The following NSD2 variants were observed in gnomAD, a reference collection of about 807,000 sequenced individuals.
The protein encoded by NSD2 is histone-lysine N-methyltransferase NSD2.
A neutral mutation model predicts 139.0 loss-of-function variants in NSD2; 12 were observed. The observed-to-expected ratio is 0.09, with a 90% CI of 0.06 to 0.14. The LOEUF (loss-of-function observed/expected upper bound fraction) is 0.14, where lower values mean the gene tolerates loss of function less well. Ranked by LOEUF, NSD2 falls within the 10% of genes least tolerant of loss-of-function variation. NSD2 has a pLI of 1.00. For missense variants in NSD2, 1,155 were observed against 1,745.0 expected, an observed-to-expected ratio of 0.66 and a Z score of 6.02; for synonymous variants, 669 against 648.7, an observed-to-expected ratio of 1.03 and a Z score of -0.48.
chr4:1,889,307 C>G (rs1205211309), intron 1 of NSD2, among the ~76,000 whole-genome samples: 1 of 152,152 alleles, frequency 6.6e-6, no homozygotes. Context: ...GATCCTCCCA[C>G]TTCAGCTTCC....
intron 18 of NSD2, among the ~76,000 whole-genome samples, chr4:1,966,823 C>G (rs1478911460): frequency 1.3e-5 from 2 of 152,004 alleles, no homozygotes; most frequent in Non-Finnish European, 2.9e-5. Flanking sequence ...TTAGGGCACT[C>G]AATACATAAA....
At chr4:1,907,930 C>T (rs935687472) in intron 3 of NSD2, among the ~76,000 whole-genome samples, 7 of 152,146 alleles carry the variant, frequency 4.6e-5, no homozygotes, top group Admixed American at 3.3e-4. Context: ...TGCATGATGG[C>T]TGGTAGCTTT....
intron 3 of NSD2, among the ~76,000 whole-genome samples, chr4:1,911,228 G>GATGT (rs1394250007): frequency 1.3e-5 from 2 of 152,158 alleles, no homozygotes; most frequent in African/African-American, 4.8e-5. Context: ...CTTCGAAGGG[G>GATGT]ATGTAGGTGG....
chr4:1,876,873 C>T (rs946294032), intron 1 of NSD2, among the ~76,000 whole-genome samples: 6 of 152,150 alleles, frequency 3.9e-5, no homozygotes, highest in Admixed American at 6.5e-5. Context: ...GGGTGGCTCA[C>T]GCCTGTAATC....
rs1272706136 is a variant in NSD2, at chr4:1,979,237, A to G, written c.*328A>G. On this transcript the variant is annotated 3_prime_UTR_variant, in exon 22 of 22. Coordinates refer to ENST00000508803, the MANE Select transcript of NSD2 (RefSeq NM_001042424.3). ...TAGGTTAAAGTTAATTGGCATATGGAATGTTTTAATCTCCTCTGAAATGTG... is the reference window on the plus strand; with the variant it reads ...TAGGTTAAAGTTAATTGGCATATGGGATGTTTTAATCTCCTCTGAAATGTG... 3.4e-6 allele frequency: 1 copy of G among 298,076 alleles called. No homozygotes were observed. Among genetic ancestry groups the G allele is most frequent in the Admixed American group, 5.1e-5 (1 of 19,658 alleles). The allele number at this position is 298,076 out of a possible 1,614,324, so 18.5% of individuals were successfully genotyped here. A position where few individuals can be genotyped will look rare whatever the true frequency, so the allele number is the denominator to read the frequency against.
chr4:1,875,396 C>G (rs1339574480), intron 1 of NSD2, among the ~76,000 whole-genome samples: 1 of 151,374 alleles, frequency 6.6e-6, no homozygotes, highest in Non-Finnish European at 1.5e-5. Context: ...ATCCTCCTAC[C>G]TCAGCCTCCT....
chr4:1,873,454 CT>C (rs1714019134), intron 1 of NSD2, among the ~76,000 whole-genome samples: 1 of 152,178 alleles, frequency 6.6e-6, no homozygotes, highest in Non-Finnish European at 1.5e-5. Flanking sequence ...GTGCGACTTG[CT>C]TTGTTTCTAT....
intron 3 of NSD2, among the ~76,000 whole-genome samples, chr4:1,915,015 G>A (rs1389807791): frequency 6.6e-6 from 1 of 151,676 alleles, no homozygotes; most frequent in Non-Finnish European, 1.5e-5. Flanking sequence ...CTTACAGGTT[G>A]CTATGGAAAT....
At chr4:1,898,470 C>A (rs1251489970) in intron 1 of NSD2, among the ~76,000 whole-genome samples, 1 of 152,052 alleles carries the variant, frequency 6.6e-6, no homozygotes, top group Non-Finnish European at 1.5e-5. Context: ...CGAGACCATC[C>A]TGGGTAACAC....
chr4:1,891,814 G>A (rs1179693066), intron 1 of NSD2, among the ~76,000 whole-genome samples: 1 of 146,794 alleles, frequency 6.8e-6, no homozygotes, highest in East Asian at 2.0e-4. Flanking sequence ...CCGAGATCGC[G>A]CCATTGCACT....
chr4:1,973,937 T>C lies in NSD2; in HGVS notation c.3373-926T>C, dbSNP rs1434692852. Among the ~76,000 whole-genome samples the C allele has an allele frequency of 2.0e-5, 3 of 152,210 alleles. No homozygotes were observed. Among genetic ancestry groups the C allele is most frequent in the Non-Finnish European group, 1.5e-5 (1 of 68,026 alleles). ...GCTGGGTGGAGATGTTGTCTCCAGT[T>C]CCTGCCTTTGGCCTCCAGGCACCTG... On this transcript the variant is annotated intron_variant, in intron 18 of 21. Transcript: ENST00000508803. This position sits in a 1 kb window ranked among gnomAD's most constrained non-coding sequence, Gnocchi z 5.5.
chr4:1,895,437 C>T (rs1716138851), intron 1 of NSD2, among the ~76,000 whole-genome samples: 1 of 152,186 alleles, frequency 6.6e-6, no homozygotes, highest in Admixed American at 6.5e-5. Context: ...TCTTTATCAG[C>T]CCTTTTCCTT....
At chr4:1,931,941 G>A (rs1721685178) in intron 6 of NSD2, among the ~76,000 whole-genome samples, 2 of 152,174 alleles carry the variant, frequency 1.3e-5, no homozygotes, top group African/African-American at 4.8e-5. Context: ...TACCCTCGAA[G>A]TGTAAGCATA....
intron 1 of NSD2, among the ~76,000 whole-genome samples, chr4:1,893,292 A>AC (rs1715770140): frequency 6.6e-6 from 1 of 151,974 alleles, no homozygotes; most frequent in Admixed American, 6.6e-5. Context: ...ACATAGTGAA[A>AC]CCCCGTCTCT....
chr4:1,945,842 G>A (rs1337184425), intron 9 of NSD2: 1 of 1,062,218 alleles, frequency 9.4e-7, no homozygotes, highest in East Asian at 5.1e-5. Flanking sequence ...TCTGATAGCG[G>A]TAGATGAAAA....
At chr4:1,930,073 T>TGGAGGGTAG (rs1560679632) in intron 5 of NSD2, among the ~76,000 whole-genome samples, 1 of 152,144 alleles carries the variant, frequency 6.6e-6, no homozygotes, top group Non-Finnish European at 1.5e-5. Flanking sequence ...CTGGTGTGGC[T>TGGAGGGTAG]GGAGGGTAGG....
At chr4:1,937,124 T>C (rs1205434444) in intron 7 of NSD2, among the ~76,000 whole-genome samples, 1 of 152,076 alleles carries the variant, frequency 6.6e-6, no homozygotes, top group African/African-American at 2.4e-5. Flanking sequence ...CAATCTTCAC[T>C]CACTGCAACC....
Position 1,979,671 on chromosome 4 carries a change from C to G in NSD2, c.*762C>G, listed in dbSNP as rs1253347525. 1 of 232,446 alleles carries G rather than the reference C, an allele frequency of 4.3e-6. No individual in the cohort carries two copies. Among genetic ancestry groups the G allele is most frequent in the Non-Finnish European group, 8.5e-6 (1 of 117,614 alleles). The allele number at this position is 232,446 out of a possible 1,614,324, so 14.4% of individuals were successfully genotyped here. Reference sequence around the variant, plus strand: ...CCTACTTCTCACCTGGGCCTATCTTCTGAACTCGCTAGGTTCTTATCAACA... The same window carrying G: ...CCTACTTCTCACCTGGGCCTATCTTGTGAACTCGCTAGGTTCTTATCAACA... On this transcript the variant is annotated 3_prime_UTR_variant, in exon 22 of 22. Coordinates refer to ENST00000508803, the MANE Select transcript of NSD2 (RefSeq NM_001042424.3).
chr4:1,933,306 C>G (rs1340637837), intron 6 of NSD2, among the ~76,000 whole-genome samples: 6 of 152,228 alleles, frequency 3.9e-5, no homozygotes, highest in African/African-American at 1.4e-4. Context: ...GAGCTGAGCA[C>G]TCTTTTGCTG....
Sources: allele counts gnomAD v4.1 joint callset (sites outside exome capture counted in the v4.1 genomes callset), GRCh38; gene constraint gnomAD v4.1.1; non-coding constraint Gnocchi (gnomAD v3.1); transcripts MANE v1.5; gene names NCBI Gene and HGNC (gene_info 2026-07-23, HGNC 2026-07-21).